BRWD3: variants seen among roughly 807,000 people sequenced by gnomAD.
The protein encoded by BRWD3 is bromodomain and WD repeat domain containing 3, also known as bromodomain and WD repeat-containing protein 3.
Under a neutral mutation model 149.7 loss-of-function variants are expected in BRWD3, and 10 were observed. The observed-to-expected ratio is 0.07, with a 90% confidence interval of 0.04 to 0.11. The LOEUF is 0.11. Ranked by LOEUF, BRWD3 falls within the 10% of genes least tolerant of loss-of-function variation. The pLI is 1.00. For missense variants in BRWD3, 940 were observed against 1,373.2 expected, an observed-to-expected ratio of 0.68 and a Z score of 4.99; for synonymous variants, 504 against 456.7, an observed-to-expected ratio of 1.10 and a Z score of -1.32.
At chrX:80,717,342 G>A in intron 19 of BRWD3, 1 of 406,367 alleles carries the variant, frequency 2.5e-6, no homozygotes, top group Admixed American at 4.3e-5. Flanking sequence ...TATAAACTCA[G>A]AACAGAGATA....
chrX:80,750,443 G>A (rs758315551), intron 6 of BRWD3, among the ~76,000 whole-genome samples: 2 of 110,643 alleles, frequency 1.8e-5, no homozygotes, highest in Non-Finnish European at 1.9e-5. Flanking sequence ...CTCAAAAGAC[G>A]ACATACAAAT....
intron 17 of BRWD3, among the ~76,000 whole-genome samples, chrX:80,721,469 T>G (rs1406767327): frequency 9.2e-6 from 1 of 108,250 alleles, no homozygotes; most frequent in Non-Finnish European, 1.9e-5. Context: ...GTGCAGCATT[T>G]CACTCCATTC....
At chrX:80,722,834 A>G in intron 16 of BRWD3, 47 bp from the exon 17 acceptor site, 1 of 1,049,230 alleles carries the variant, frequency 9.5e-7, no homozygotes, top group Non-Finnish European at 1.3e-6. Flanking sequence ...GGAATTTATA[A>G]GTAAATACTT....
intron 4 of BRWD3, among the ~76,000 whole-genome samples, chrX:80,801,834 A>G (rs1280948036): frequency 9.0e-6 from 1 of 110,945 alleles, no homozygotes; most frequent in African/African-American, 3.3e-5. Flanking sequence ...CTCTGTCTCA[A>G]ATAAATAAGT....
chrX:80,693,068 TTC>T lies in BRWD3; in HGVS notation c.3152-19_3152-18del, dbSNP rs1442984009. On this transcript the variant is annotated intron_variant, in intron 27 of 40. Coordinates refer to ENST00000373275, the MANE Select transcript of BRWD3 (RefSeq NM_153252.5). Reference sequence around the variant, plus strand: ...ATCTATCACCTATAATGTTTTAAAATTCTTAAAAGGATGCTCTTGAGAATATT... The same window carrying T: ...ATCTATCACCTATAATGTTTTAAAATTTAAAAGGATGCTCTTGAGAATATT... 12 of 1,131,525 alleles carry T rather than the reference TTC, an allele frequency of 1.1e-5. No homozygotes were observed. In the South Asian group the frequency reaches 2.0e-4, roughly 19 times the overall value. 93.3% of individuals were successfully genotyped at this position (1,131,525 alleles called of 1,213,427 possible).
chrX:80,710,275 A>G (rs1054501304), intron 20 of BRWD3: 2 of 358,396 alleles, frequency 5.6e-6, no homozygotes, highest in African/African-American at 5.2e-5. Context: ...AAATATCAAC[A>G]CAACAATATG....
At chrX:80,762,069 C>CA (rs753872454) in intron 6 of BRWD3, among the ~76,000 whole-genome samples, 5 of 110,959 alleles carry the variant, frequency 4.5e-5, no homozygotes, top group African/African-American at 1.3e-4. Flanking sequence ...ATGCAAGAGA[C>CA]AAAAAAATAC....
chrX:80,762,684 A>T (rs1190490099), intron 6 of BRWD3, among the ~76,000 whole-genome samples: 1 of 111,636 alleles, frequency 9.0e-6, no homozygotes, highest in South Asian at 3.8e-4. Context: ...GGCTTTACCA[A>T]TTCTCCTTAC....
chrX:80,748,980 T>C (rs1473607389), intron 6 of BRWD3, among the ~76,000 whole-genome samples: 1 of 112,042 alleles, frequency 8.9e-6, no homozygotes, highest in Non-Finnish European at 1.9e-5. Context: ...CAAAAGTATG[T>C]TGCTTAATTT....
At chrX:80,803,237 C>A (rs1195585914) in intron 4 of BRWD3, among the ~76,000 whole-genome samples, 1 of 110,945 alleles carries the variant, frequency 9.0e-6, no homozygotes, top group Non-Finnish European at 1.9e-5. Context: ...AATCAGTAAT[C>A]AACATCAGTA....
intron 4 of BRWD3, among the ~76,000 whole-genome samples, chrX:80,800,700 T>C (rs1480854347): frequency 1.8e-5 from 2 of 110,610 alleles, no homozygotes; most frequent in Non-Finnish European, 3.8e-5. Flanking sequence ...AATCAAATGC[T>C]GTGTTTTAAT....
At chrX:80,731,054 G>A (rs1352423423) in intron 12 of BRWD3, among the ~76,000 whole-genome samples, 1 of 111,258 alleles carries the variant, frequency 9.0e-6, no homozygotes. Flanking sequence ...TGCTGAGTCA[G>A]AGTAGGTGTA....
chrX:80,723,180 G>A (rs1344844864), intron 16 of BRWD3, among the ~76,000 whole-genome samples: 4 of 110,725 alleles, frequency 3.6e-5, no homozygotes, highest in African/African-American at 1.3e-4. Flanking sequence ...TGGTAAAACA[G>A]GTAAATATCA....
chrX:80,725,313 C>G (rs1002817516), intron 14 of BRWD3, among the ~76,000 whole-genome samples: 6 of 111,820 alleles, frequency 5.4e-5, no homozygotes, highest in African/African-American at 1.9e-4. Flanking sequence ...ATAGTCTAAA[C>G]AGTTACAGCT....
At chrX:80,683,940 T>A in intron 37 of BRWD3, 70 bp downstream of exon 37, 1 of 1,054,742 alleles carries the variant, frequency 9.5e-7, no homozygotes, top group South Asian at 1.9e-5. Flanking sequence ...TCAAAAAAGA[T>A]ACTGAGGACC....
At position 80,689,784 on chromosome X, in the gene BRWD3, C is replaced by T. The variant is rs1218094078; in HGVS notation, c.3791G>A (p.Ser1264Asn). 1.7e-6 allele frequency: 2 copies of T among 1,200,268 alleles called. No individual in the cohort carries two copies. The highest frequency in any genetic ancestry group is 2.6e-4 in the Middle Eastern group (1 of 3,919). Residue 1264 changes from serine (S) to asparagine (N), a missense_variant, in exon 33 of 41, where the codon AGT (serine) becomes AAT (asparagine). By Grantham distance (46) the Ser-to-Asn change is conservative. Coordinates refer to ENST00000373275, the MANE Select transcript of BRWD3 (RefSeq NM_153252.5). ...GATTCTTACCTCCTCTGCATCAGTACTGTTTCGTTCTTCTGCTTTAATTTT... is the reference window on the plus strand; with the variant it reads ...GATTCTTACCTCCTCTGCATCAGTATTGTTTCGTTCTTCTGCTTTAATTTT... ...YNKIKAEERNSTDAEEDTEIV... is the reference protein window; with the variant it reads ...YNKIKAEERNNTDAEEDTEIV...
intron 18 of BRWD3, among the ~76,000 whole-genome samples, chrX:80,718,145 T>A (rs1333670917): frequency 8.9e-6 from 1 of 111,759 alleles, no homozygotes; most frequent in African/African-American, 3.2e-5. Context: ...ACAGTGTTTC[T>A]AGATAAAACA....
chrX:80,746,533 A>C (rs2073596612), intron 6 of BRWD3, among the ~76,000 whole-genome samples: 1 of 111,419 alleles, frequency 9.0e-6, no homozygotes, highest in South Asian at 3.7e-4. Flanking sequence ...CTATGTAAAA[A>C]TTTACAGCCA....
intron 20 of BRWD3, among the ~76,000 whole-genome samples, chrX:80,715,406 T>C (rs1021082478): frequency 2.3e-4 from 26 of 112,032 alleles, no homozygotes; most frequent in African/African-American, 3.2e-4. Context: ...CCTAGATTTG[T>C]TTAACAACAT....
Sources: allele counts gnomAD v4.1 joint callset (sites outside exome capture counted in the v4.1 genomes callset), GRCh38; gene constraint gnomAD v4.1.1; transcripts MANE v1.5; gene names NCBI Gene and HGNC (gene_info 2026-07-23, HGNC 2026-07-21).